The following TMEM17 variants were observed in gnomAD, a reference collection of about 807,000 sequenced individuals.
TMEM17 encodes the protein transmembrane protein 17.
Under a neutral mutation model 19.1 loss-of-function variants are expected in TMEM17, and 15 were observed. The ratio of observed to expected loss-of-function variants is 0.78; its 90% CI spans 0.52 to 1.21. The LOEUF (loss-of-function observed/expected upper bound fraction) is 1.21. Ranked by LOEUF, TMEM17 falls within the 50% of genes most tolerant of loss-of-function variation. The probability of loss-of-function intolerance (pLI) is 0.00; values close to 1 mark genes in which losing one functional copy is unlikely to be tolerated. For missense variants in TMEM17, 245 were observed against 242.3 expected, an observed-to-expected ratio of 1.01 and a Z score of -0.07; for synonymous variants, 103 against 86.9, an observed-to-expected ratio of 1.19 and a Z score of -1.03.
the TMEM17 span, among the ~76,000 whole-genome samples, chr2:62,484,071 T>A: frequency 1.3e-5 from 2 of 152,232 alleles, no homozygotes; most frequent in African/African-American, 4.8e-5. Flanking sequence ...CTAAAGCCAC[T>A]CTTCACCATT....
At chr2:62,460,220 A>G in the TMEM17 span, among the ~76,000 whole-genome samples, 2 of 152,154 alleles carry the variant, frequency 1.3e-5, no homozygotes, top group Non-Finnish European at 2.9e-5. Context: ...CAACAAACCA[A>G]TGGGTAGGAA....
chr2:62,467,503 A>G, the TMEM17 span, among the ~76,000 whole-genome samples: 2 of 152,236 alleles, frequency 1.3e-5, no homozygotes, highest in Non-Finnish European at 2.9e-5. Flanking sequence ...AAGTTCACCC[A>G]GGAGCCAAGG....
At chr2:62,498,776 G>T (rs532470676), downstream of TMEM17, among the ~76,000 whole-genome samples, 49 of 151,806 alleles carry the variant, frequency 3.2e-4, no homozygotes, top group South Asian at 3.7e-3. Flanking sequence ...CAAAAAATAT[G>T]TAAAGGACAA....
the TMEM17 span, among the ~76,000 whole-genome samples, chr2:62,486,638 A>G: frequency 6.6e-6 from 1 of 152,222 alleles, no homozygotes; most frequent in Admixed American, 6.5e-5. Context: ...AGTTTGGAGA[A>G]GCCTGGAGGA....
the TMEM17 span, among the ~76,000 whole-genome samples, chr2:62,494,661 C>T: frequency 6.6e-6 from 1 of 152,028 alleles, no homozygotes; most frequent in Non-Finnish European, 1.5e-5. Context: ...TATTAGAGTT[C>T]TGAAAAATTA....
chr2:62,502,332 A>T, intron 3 of TMEM17, 105 bp downstream of exon 3: 1 of 663,714 alleles, frequency 1.5e-6, no homozygotes, highest in Non-Finnish European at 2.5e-6. Context: ...GTCAGGCTTT[A>T]AATTCAGGCC....
intron 3 of TMEM17, 94 bp from the exon 4 acceptor site, chr2:62,501,581 A>C: frequency 8.1e-7 from 1 of 1,241,798 alleles, no homozygotes; most frequent in African/African-American, 1.5e-5. Flanking sequence ...GTGAACCTAC[A>C]TTATGGGCTC....
chr2:62,474,431 C>T, the TMEM17 span, among the ~76,000 whole-genome samples: 2 of 152,160 alleles, frequency 1.3e-5, no homozygotes, highest in East Asian at 1.9e-4. Context: ...GCTGAAGCTG[C>T]GTCTGTCTCC....
At chr2:62,454,821 A>G in the TMEM17 span, among the ~76,000 whole-genome samples, 1 of 152,176 alleles carries the variant, frequency 6.6e-6, no homozygotes, top group Non-Finnish European at 1.5e-5. Context: ...CTCCTGCCTC[A>G]GCCTCCTGAG....
chr2:62,484,002 C>A, the TMEM17 span, among the ~76,000 whole-genome samples: 5 of 152,196 alleles, frequency 3.3e-5, no homozygotes, highest in African/African-American at 1.2e-4. Flanking sequence ...CCTGCCTTAG[C>A]TCTTCAAACA....
the TMEM17 span, among the ~76,000 whole-genome samples, chr2:62,488,874 A>T: frequency 5.4e-5 from 8 of 148,664 alleles, no homozygotes; most frequent in East Asian, 2.0e-4. Flanking sequence ...GGTCAGATTT[A>T]AAAAAAAAGC....
downstream of TMEM17, among the ~76,000 whole-genome samples, chr2:62,497,973 T>G (rs909720801): frequency 1.3e-5 from 2 of 152,234 alleles, no homozygotes; most frequent in Admixed American, 1.3e-4. Context: ...ATGTTTTACC[T>G]CCCACATCAT....
At chr2:62,469,870 T>C in the TMEM17 span, among the ~76,000 whole-genome samples, 3 of 152,262 alleles carry the variant, frequency 2.0e-5, no homozygotes, top group African/African-American at 7.2e-5. Context: ...GCCTGGGTCC[T>C]GCTGGCTGGC....
At chr2:62,485,954 A>T in the TMEM17 span, among the ~76,000 whole-genome samples, 2 of 152,244 alleles carry the variant, frequency 1.3e-5, no homozygotes, top group East Asian at 3.8e-4. Flanking sequence ...GTTTAATTTT[A>T]AAAACTGTGC....
the TMEM17 span, among the ~76,000 whole-genome samples, chr2:62,463,656 G>A: frequency 1.3e-5 from 2 of 152,214 alleles, no homozygotes; most frequent in African/African-American, 4.8e-5. Context: ...ATAGGGACAG[G>A]AGGCAGAGAA....
chr2:62,479,239 T>C, the TMEM17 span, among the ~76,000 whole-genome samples: 1 of 152,214 alleles, frequency 6.6e-6, no homozygotes, highest in Non-Finnish European at 1.5e-5. Context: ...CTTCTCAGCC[T>C]CTGGTATCCT....
At chr2:62,453,766 G>A in the TMEM17 span, among the ~76,000 whole-genome samples, 60 of 152,338 alleles carry the variant, frequency 3.9e-4, no homozygotes, top group Admixed American at 6.5e-4. Flanking sequence ...GGAGACCATT[G>A]GAGAGGATGC....
chr2:62,458,806 G>A, the TMEM17 span, among the ~76,000 whole-genome samples: 5 of 152,284 alleles, frequency 3.3e-5, no homozygotes, highest in Non-Finnish European at 4.4e-5. Flanking sequence ...ATCTGTGAGC[G>A]TGACAGCTGG....
chr2:62,501,697 A>C (rs1018889272), intron 3 of TMEM17: 1 of 531,078 alleles, frequency 1.9e-6, no homozygotes, highest in East Asian at 3.1e-5. Context: ...ACTACACTTT[A>C]GTGAACAATT....
Sources: gnomAD v4.1 joint callset for allele counts (sites outside exome capture counted in the v4.1 genomes callset) on GRCh38, gnomAD v4.1.1 for gene constraint, MANE v1.5 for transcripts, NCBI Gene and HGNC (gene_info 2026-07-23, HGNC 2026-07-21) for gene names.